The following RPS6KB1 variants were observed in gnomAD, a reference collection of about 807,000 sequenced individuals.
RPS6KB1 encodes ribosomal protein S6 kinase beta-1.
Under a neutral mutation model 70.2 loss-of-function variants are expected in RPS6KB1, and 12 were observed. That is an observed-to-expected ratio of 0.17 (90% CI 0.11 to 0.28). The LOEUF is 0.28. Among genes scored for constraint, RPS6KB1 ranks in the 10% least tolerant of loss-of-function variants. The pLI is 1.00. For missense variants in RPS6KB1, 270 were observed against 646.6 expected, an observed-to-expected ratio of 0.42 and a Z score of 6.32; for synonymous variants, 175 against 211.2, an observed-to-expected ratio of 0.83 and a Z score of 1.49.
In RPS6KB1 at chr17:59,947,186, C is replaced by T. The variant is rs533401540; in HGVS notation, c.*398C>T. ...AGTACAAAATTGCCTATAATACTTG[C>T]AACTAAGGACAAATTAGCATGCAAG... On this transcript the variant is annotated 3_prime_UTR_variant, in exon 15 of 15. Transcript: ENST00000225577. The T allele has an allele frequency of 9.6e-6, 10 of 1,036,434 alleles. No homozygotes were observed. The highest frequency in any genetic ancestry group is 1.0e-5 in the Non-Finnish European group (9 of 862,638). The allele number at this position is 1,036,434 out of a possible 1,614,324, so 64.2% of individuals were successfully genotyped here. A position where few individuals can be genotyped will look rare whatever the true frequency, so the allele number is the denominator to read the frequency against.
chr17:59,929,154 G>A (rs1260291864), intron 5 of RPS6KB1, among the ~76,000 whole-genome samples: 5 of 147,564 alleles, frequency 3.4e-5, no homozygotes, highest in East Asian at 2.0e-4. Flanking sequence ...TTTTTGAGAC[G>A]GAATCTCACT....
rs562699566 is a variant in RPS6KB1 at position 59,934,358 on chromosome 17, A to T, written c.780-76A>T. The T allele has an allele frequency of 1.5e-5, 22 of 1,478,300 alleles. No homozygotes were observed. The highest frequency in any genetic ancestry group is 2.1e-5 in the Non-Finnish European group (22 of 1,057,484). 91.6% of individuals were successfully genotyped at this position (1,478,300 alleles called of 1,614,324 possible). On this transcript the variant is annotated intron_variant, in intron 8 of 14. Transcript: ENST00000225577. The surrounding 1 kb of genome is among the most constrained non-coding windows in gnomAD (Gnocchi z 4.8). ...TTTTCTGTACCCTCATTGACTCTGT[A>T]TATTGTTTTTAAAATTCTAATTCAG...
chr17:59,909,328 C>T (rs1304508403), intron 1 of RPS6KB1, among the ~76,000 whole-genome samples: 3 of 127,906 alleles, frequency 2.3e-5, no homozygotes, highest in Middle Eastern at 4.9e-3. Flanking sequence ...AGTGCAGTGG[C>T]GTGATCTCGG....
At chr17:59,943,207 C>T (rs577328411) in intron 13 of RPS6KB1, among the ~76,000 whole-genome samples, 8 of 152,100 alleles carry the variant, frequency 5.3e-5, no homozygotes, top group African/African-American at 9.7e-5. Context: ...ATCAAAGTTA[C>T]GGCATCTCTG....
Position 59,946,956 on chromosome 17 carries a change from T to C in RPS6KB1, c.*168T>C. 6.9e-7 allele frequency: 1 copy of C among 1,451,570 alleles called. No homozygotes were observed. Among genetic ancestry groups the C allele is most frequent in the Non-Finnish European group, 9.0e-7 (1 of 1,105,870 alleles). 89.9% of individuals were successfully genotyped at this position (1,451,570 alleles called of 1,614,324 possible). ...ACGTGGATTTTAAAAAATCAATCAA[T>C]GGTGCAAAAAAAAACTTAAAGCAAA... On this transcript the variant is annotated 3_prime_UTR_variant, in exon 15 of 15. Coordinates refer to ENST00000225577, the MANE Select transcript of RPS6KB1 (RefSeq NM_003161.4). The surrounding 1 kb of genome is among the most constrained non-coding windows in gnomAD (Gnocchi z 4.2).
intron 5 of RPS6KB1, among the ~76,000 whole-genome samples, chr17:59,927,152 G>GC (rs2043654313): frequency 6.6e-6 from 1 of 151,856 alleles, no homozygotes. Context: ...GTGTGATCTT[G>GC]GGTCACTGCA....
rs577699522 is a variant in RPS6KB1 at position 59,948,784 on chromosome 17, T to A, written c.*1996T>A. 7.7e-4 allele frequency: 118 copies of A among 152,690 alleles called. No homozygotes were observed. Among genetic ancestry groups the A allele is most frequent in the African/African-American group, 2.6e-3 (110 of 41,574 alleles). The allele number at this position is 152,690 out of a possible 1,614,324, so 9.5% of individuals were successfully genotyped here. A position where few individuals can be genotyped will look rare whatever the true frequency, so the allele number is the denominator to read the frequency against. ...AAGGGCAGAAATTATACTTAAAAAG[T>A]GCAGATCCTTGTTCTTTGACAATTT... On this transcript the variant is annotated 3_prime_UTR_variant, in exon 15 of 15. Coordinates refer to ENST00000225577, the MANE Select transcript of RPS6KB1 (RefSeq NM_003161.4).
Position 59,934,371 on chromosome 17 carries a change from A to G in RPS6KB1, c.780-63A>G. On this transcript the variant is annotated intron_variant, in intron 8 of 14. Transcript: ENST00000225577. The surrounding 1 kb of genome is among the most constrained non-coding windows in gnomAD (Gnocchi z 4.8). Reference sequence around the variant, plus strand: ...CATTGACTCTGTATATTGTTTTTAAAATTCTAATTCAGATGATATGCAAAT... The same window carrying G: ...CATTGACTCTGTATATTGTTTTTAAGATTCTAATTCAGATGATATGCAAAT... 2 of 1,520,154 alleles carry G rather than the reference A, an allele frequency of 1.3e-6. No individual in the cohort carries two copies. 94.2% of individuals were successfully genotyped at this position (1,520,154 alleles called of 1,614,324 possible). A position where few individuals can be genotyped will look rare whatever the true frequency, so the allele number is the denominator to read the frequency against.
At chr17:59,942,015 C>T (rs961929333) in intron 13 of RPS6KB1, among the ~76,000 whole-genome samples, 2 of 152,104 alleles carry the variant, frequency 1.3e-5, no homozygotes, top group African/African-American at 2.4e-5. Flanking sequence ...CCCGCCACCA[C>T]GCCAGGCTAA....
intron 1 of RPS6KB1, among the ~76,000 whole-genome samples, chr17:59,907,794 C>T (rs1477455691): frequency 1.3e-5 from 2 of 152,032 alleles, no homozygotes; most frequent in Admixed American, 6.6e-5. Flanking sequence ...CTTGGACTCC[C>T]GAAGTTATTT....
At chr17:59,924,028 A>G (rs2043438508) in intron 4 of RPS6KB1, among the ~76,000 whole-genome samples, 1 of 152,144 alleles carries the variant, frequency 6.6e-6, no homozygotes. Flanking sequence ...TGTGCAGTCT[A>G]AAATTACTTA....
chr17:59,893,307 G>C lies in RPS6KB1; in HGVS notation c.123G>C (p.Glu41Asp), dbSNP rs763484257. Residue 41 changes from glutamate (E) to aspartate (D), a missense_variant, in exon 1 of 15, where the codon GAG (glutamate) becomes GAC (aspartate). Physicochemically the swap from Glu to Asp is conservative, Grantham distance 45 (BLOSUM62 2). Coordinates refer to ENST00000225577, the MANE Select transcript of RPS6KB1 (RefSeq NM_003161.4). The surrounding 1 kb of genome is among the most constrained non-coding windows in gnomAD (Gnocchi z 4.1). ...DLDQPEDAGS[E>D]DELEEGGQLN... ...ACCAGCCAGAGGACGCGGGCTCTGA[G>C]GATGAGCTGGAGGAGGGGGTGAGGC... 6.6e-5 allele frequency: 106 copies of C among 1,609,904 alleles called. No individual in the cohort carries two copies. The highest frequency in any genetic ancestry group is 8.8e-5 in the Non-Finnish European group (104 of 1,178,368).
At chr17:59,912,599 T>C in intron 2 of RPS6KB1, 85 bp from the exon 3 acceptor site, 1 of 1,399,570 alleles carries the variant, frequency 7.1e-7, no homozygotes, top group Non-Finnish European at 9.8e-7. Flanking sequence ...TTAGATTACA[T>C]TTCTCTGTCT....
chr17:59,909,670 A>T (rs935264387), intron 1 of RPS6KB1, among the ~76,000 whole-genome samples: 3 of 151,558 alleles, frequency 2.0e-5, no homozygotes, highest in Non-Finnish European at 4.4e-5. Flanking sequence ...TGAGGTCAGG[A>T]GTTCGAGACC....
intron 1 of RPS6KB1, among the ~76,000 whole-genome samples, chr17:59,900,158 A>G (rs2041822429): frequency 7.4e-6 from 1 of 135,092 alleles, no homozygotes; most frequent in Admixed American, 8.1e-5. Flanking sequence ...GGGTGACAGA[A>G]ACCTAATTGC....
intron 1 of RPS6KB1, among the ~76,000 whole-genome samples, chr17:59,906,497 G>C (rs967170757): frequency 6.6e-6 from 1 of 151,950 alleles, no homozygotes; most frequent in Non-Finnish European, 1.5e-5. Flanking sequence ...TGAGTAGCTG[G>C]GATTACAAGC....
At chr17:59,910,757 C>T (rs2042584388) in intron 2 of RPS6KB1, 146 bp downstream of exon 2, 2 of 591,704 alleles carry the variant, frequency 3.4e-6, no homozygotes, top group South Asian at 4.3e-5. Flanking sequence ...GAATTTGGCA[C>T]CAAAATCTGA....
At chr17:59,939,463 A>G (rs1257575361) in intron 12 of RPS6KB1, among the ~76,000 whole-genome samples, 2 of 152,080 alleles carry the variant, frequency 1.3e-5, no homozygotes, top group African/African-American at 2.4e-5. Flanking sequence ...TGTTTCTGGT[A>G]GAGACGGGGT....
chr17:59,938,239 A>G (rs1215843250), intron 12 of RPS6KB1, among the ~76,000 whole-genome samples: 1 of 137,246 alleles, frequency 7.3e-6, no homozygotes, highest in Non-Finnish European at 1.5e-5. Flanking sequence ...GTGGCATGAT[A>G]GTGGCTCATG....
Sources: allele counts gnomAD v4.1 joint callset (sites outside exome capture counted in the v4.1 genomes callset), GRCh38; gene constraint gnomAD v4.1.1; non-coding constraint Gnocchi (gnomAD v3.1); transcripts MANE v1.5; gene names NCBI Gene and HGNC (gene_info 2026-07-23, HGNC 2026-07-21).